The following SMARCA1 variants were observed in gnomAD, a reference collection of about 807,000 sequenced individuals.
SMARCA1 encodes SNF2 related chromatin remodeling ATPase 1.
A neutral mutation model predicts 93.6 loss-of-function variants in SMARCA1; 17 were observed. The ratio of observed to expected loss-of-function variants is 0.18; its 90% CI spans 0.12 to 0.27. The LOEUF (loss-of-function observed/expected upper bound fraction) is 0.27, where lower values mean the gene tolerates loss of function less well. SMARCA1 is among the 10% of genes least tolerant of loss of function. The pLI, the probability that SMARCA1 is intolerant of heterozygous loss-of-function variation, is 1.00. For synonymous variants in SMARCA1, 271 were observed against 271.4 expected, an observed-to-expected ratio of 1.00 and a Z score of 0.01; for missense variants, 630 against 819.0, an observed-to-expected ratio of 0.77 and a Z score of 2.82.
intron 9 of SMARCA1, among the ~76,000 whole-genome samples, 159 bp downstream of exon 9, chrX:129,504,575 A>C (rs1318427757): frequency 5.9e-5 from 6 of 101,038 alleles, no homozygotes; most frequent in South Asian, 8.7e-4. Context: ...AAAAAAAAAA[A>C]AAAAAACAAA....
chrX:129,469,856 C>T (rs892664623), intron 20 of SMARCA1, among the ~76,000 whole-genome samples: 1 of 111,811 alleles, frequency 8.9e-6, no homozygotes, highest in Non-Finnish European at 1.9e-5. Context: ...CATTCTAAAG[C>T]CATAACTTTA....
intron 23 of SMARCA1, among the ~76,000 whole-genome samples, chrX:129,452,207 C>T (rs1932345097): frequency 8.9e-6 from 1 of 112,432 alleles, no homozygotes; most frequent in African/African-American, 3.2e-5. Context: ...TTTCTCCTTT[C>T]ATATATTCTC....
At chrX:129,449,829 CA>C (rs1288747466) in intron 23 of SMARCA1, among the ~76,000 whole-genome samples, 1,026 of 97,848 alleles carry the variant, frequency 0.01, 7 homozygotes, top group African/African-American at 0.033. Flanking sequence ...GAAAACTCAC[CA>C]AAAAAAAAAA....
intron 23 of SMARCA1, among the ~76,000 whole-genome samples, chrX:129,459,493 T>A (rs1235867897): frequency 2.5e-4 from 28 of 112,523 alleles, no homozygotes. Context: ...TTAAATGAAC[T>A]CCTGTTAGTG....
Position 129,496,814 on chromosome X carries a change from T to C in SMARCA1, c.1562A>G (p.Tyr521Cys). Reference protein sequence around the residue: ...MTRLLDILEDYCMWRGYEYCR... With the variant: ...MTRLLDILEDCCMWRGYEYCR... ...ATACTCATAACCACGCCACATGCAA[T>C]AATCTTCCAAAATATCCAGCAAGCG... Residue 521 changes from tyrosine to cysteine, a missense_variant, in exon 12 of 25, where the codon TAT becomes TGT. Physicochemically the swap from Tyr to Cys is radical, Grantham distance 194 (BLOSUM62 -2). Coordinates refer to ENST00000371121, the MANE Select transcript of SMARCA1 (RefSeq NM_001282874.2). The C allele has an allele frequency of 8.3e-7, 1 of 1,205,867 alleles. No individual in the cohort carries two copies. Among genetic ancestry groups the C allele is most frequent in the Non-Finnish European group, 1.1e-6 (1 of 890,293 alleles).
At chrX:129,523,144 G>C (rs1935474064) in intron 1 of SMARCA1, 53 bp downstream of exon 1, 6 of 1,177,592 alleles carry the variant, frequency 5.1e-6, no homozygotes, top group Non-Finnish European at 6.9e-6. Flanking sequence ...GGGCCCCTCA[G>C]AGGGGCCAGG....
chrX:129,467,521 T>C (rs1467437517), intron 21 of SMARCA1, among the ~76,000 whole-genome samples: 1 of 110,987 alleles, frequency 9.0e-6, no homozygotes, highest in East Asian at 2.8e-4. Flanking sequence ...GTGCTAAATG[T>C]TCAGAGTAAT....
Position 129,459,527 on chromosome X carries a change from T to A in SMARCA1, c.3030+5993A>T, listed in dbSNP as rs773979912. On this transcript the variant is annotated intron_variant, in intron 23 of 24. Transcript: ENST00000371121. Reference sequence around the variant, plus strand: ...TGCATTAATTGTATTTCATGTCAGATTGTTACAACAGTTCAAGGTACCAAA... The same window carrying A: ...TGCATTAATTGTATTTCATGTCAGAATGTTACAACAGTTCAAGGTACCAAA... 8.9e-5 allele frequency among the ~76,000 whole-genome samples: 10 copies of A among 112,862 alleles called. No homozygotes were observed. In the South Asian group the frequency reaches 3.7e-3, roughly 42 times the overall value.
At chrX:129,450,530 T>C (rs1932237509) in intron 23 of SMARCA1, among the ~76,000 whole-genome samples, 1 of 112,128 alleles carries the variant, frequency 8.9e-6, no homozygotes, top group Admixed American at 9.5e-5. Context: ...CCCTTTGACC[T>C]AGCAATTCCA....
At chrX:129,510,427 G>A (rs964465786) in intron 6 of SMARCA1, among the ~76,000 whole-genome samples, 2 of 111,837 alleles carry the variant, frequency 1.8e-5, no homozygotes, top group African/African-American at 6.5e-5. Context: ...TCAAAGCCAG[G>A]CACAGTGGTG....
At chrX:129,449,585 T>C (rs1932184099) in intron 23 of SMARCA1, among the ~76,000 whole-genome samples, 1 of 112,330 alleles carries the variant, frequency 8.9e-6, no homozygotes, top group Non-Finnish European at 1.9e-5. Context: ...ACATTAAACA[T>C]GATTCATTAA....
At position 129,523,190 on chromosome X, in the gene SMARCA1, T is replaced by C. The variant is rs1395040225; in HGVS notation, c.174+7A>G. ...GTCCACCACACACACACCCCCTTCC[T>C]ATTTACCTCCTTCTTCTTCTCGCCC... On this transcript the variant is annotated splice_region_variant and intron_variant, in intron 1 of 24. Coordinates refer to ENST00000371121, the MANE Select transcript of SMARCA1 (RefSeq NM_001282874.2). 8.3e-7 allele frequency: 1 copy of C among 1,210,361 alleles called. No individual in the cohort carries two copies. Among genetic ancestry groups the C allele is most frequent in the Admixed American group, 2.2e-5 (1 of 46,082 alleles).
At chrX:129,490,024 C>T (rs772950497) in intron 15 of SMARCA1, 36 bp downstream of exon 15, 1 of 1,061,133 alleles carries the variant, frequency 9.4e-7, no homozygotes, top group Non-Finnish European at 1.3e-6. Context: ...ATGTGTTTTA[C>T]AAAAAACACC....
intron 9 of SMARCA1, among the ~76,000 whole-genome samples, chrX:129,503,818 C>T (rs775882201): frequency 6.5e-5 from 7 of 107,524 alleles, no homozygotes; most frequent in South Asian, 4.2e-4. Flanking sequence ...AAAAATTAGC[C>T]GGGCGTGGTG....
intron 16 of SMARCA1, among the ~76,000 whole-genome samples, chrX:129,488,585 G>A (rs1348792424): frequency 2.0e-5 from 2 of 99,904 alleles, no homozygotes; most frequent in African/African-American, 7.5e-5. Context: ...TCCAGCCTGG[G>A]TGACAGAGCA....
chrX:129,521,281 T>G (rs1935385300), intron 1 of SMARCA1, among the ~76,000 whole-genome samples: 1 of 112,426 alleles, frequency 8.9e-6, no homozygotes, highest in African/African-American at 3.2e-5. Flanking sequence ...TCAGGTGCCT[T>G]TGTGTCACTG....
intron 23 of SMARCA1, among the ~76,000 whole-genome samples, chrX:129,464,811 C>T (rs1932868874): frequency 9.0e-6 from 1 of 111,557 alleles, no homozygotes; most frequent in Admixed American, 9.6e-5. Context: ...ACATAATGTG[C>T]CTTCTGATGG....
At chrX:129,453,561 A>C (rs932679803) in intron 23 of SMARCA1, among the ~76,000 whole-genome samples, 1 of 112,322 alleles carries the variant, frequency 8.9e-6, no homozygotes, top group Admixed American at 9.5e-5. Context: ...GTCTCAGCCC[A>C]AAATCTCCTT....
At chrX:129,468,049 AAG>A (rs1231539195) in intron 21 of SMARCA1, among the ~76,000 whole-genome samples, 1 of 112,779 alleles carries the variant, frequency 8.9e-6, no homozygotes, top group Non-Finnish European at 1.9e-5. Flanking sequence ...GCTAAACACG[AAG>A]AGGTTTCGCC....
Sources: allele counts gnomAD v4.1 joint callset (sites outside exome capture counted in the v4.1 genomes callset), GRCh38; gene constraint gnomAD v4.1.1; transcripts MANE v1.5; gene names NCBI Gene and HGNC (gene_info 2026-07-23, HGNC 2026-07-21).